ZNF107: variants seen among roughly 807,000 people sequenced by gnomAD.
ZNF107 encodes the protein zinc finger protein 107, also known as C2H2 type zinc-finger protein.
A neutral mutation model predicts 12.3 loss-of-function variants in ZNF107; 19 were observed. The observed-to-expected ratio is 1.55, with a 90% CI of 1.08 to 2.27. The LOEUF is 2.27. Among genes scored for constraint, ZNF107 ranks in the 30% most tolerant of loss-of-function variants. The probability of loss-of-function intolerance (pLI) is 0.00; values close to 1 mark genes in which losing one functional copy is unlikely to be tolerated. For synonymous variants in ZNF107, 317 were observed against 330.5 expected (o/e 0.96, Z 0.44); for missense variants, 958 against 979.9 (o/e 0.98, Z 0.30).
intron 3 of ZNF107, among the ~76,000 whole-genome samples, chr7:64,703,861 C>T (rs1476253483): frequency 6.6e-6 from 1 of 151,902 alleles, no homozygotes; most frequent in Non-Finnish European, 1.5e-5. Context: ...CCCTTATTTT[C>T]TGTCTTTCTT....
chr7:64,693,653 A>G (rs1383439814), intron 3 of ZNF107, among the ~76,000 whole-genome samples: 3 of 152,048 alleles, frequency 2.0e-5, no homozygotes, highest in African/African-American at 7.2e-5. Flanking sequence ...GTCCTTCAGG[A>G]TGTTGCTCTG....
At chr7:64,670,947 G>GT (rs1158162452) in intron 1 of ZNF107, among the ~76,000 whole-genome samples, 4 of 152,218 alleles carry the variant, frequency 2.6e-5, no homozygotes, top group African/African-American at 9.6e-5. Flanking sequence ...GGCATCTGCA[G>GT]TGAGGACAGT....
intron 3 of ZNF107, among the ~76,000 whole-genome samples, chr7:64,693,330 T>C (rs997879068): frequency 6.7e-6 from 1 of 150,176 alleles, no homozygotes; most frequent in African/African-American, 2.4e-5. Flanking sequence ...TTTTTTTTTT[T>C]CTTAACTAAT....
chr7:64,702,947 T>C (rs73363322), intron 3 of ZNF107, among the ~76,000 whole-genome samples: 7,161 of 152,308 alleles, frequency 0.047, 450 homozygotes, highest in African/African-American at 0.14. Flanking sequence ...AATTTTTTTA[T>C]TACATCAAAA....
intron 1 of ZNF107, among the ~76,000 whole-genome samples, chr7:64,678,125 C>A: frequency 6.6e-6 from 1 of 152,054 alleles, no homozygotes; most frequent in East Asian, 1.9e-4. Flanking sequence ...TTATCTGAGA[C>A]CTCAGGTTTA....
At chr7:64,666,805 A>G (rs1789022879) in intron 1 of ZNF107, among the ~76,000 whole-genome samples, 1 of 152,106 alleles carries the variant, frequency 6.6e-6, no homozygotes, top group African/African-American at 2.4e-5. Flanking sequence ...TTTGTAGTTT[A>G]TTTTCCATGG....
Position 64,701,035 on chromosome 7 carries a change from T to G in ZNF107, c.227-5289T>G, listed in dbSNP as rs186014737. On this transcript the variant is annotated intron_variant, in intron 3 of 3. Transcript: ENST00000620827. ...TTTGTCAGTATTTTCTTTATATATTTTGAAGCCCTATTGTTATATATACAT... is the reference window on the plus strand; with the variant it reads ...TTTGTCAGTATTTTCTTTATATATTGTGAAGCCCTATTGTTATATATACAT... 2.6e-5 allele frequency among the ~76,000 whole-genome samples: 4 copies of G among 152,340 alleles called. No individual in the cohort carries two copies. In the East Asian group the frequency reaches 7.7e-4, roughly 29 times the overall value.
chr7:64,709,296 A>G lies in ZNF107; in HGVS notation c.*640A>G, dbSNP rs915742058. On this transcript the variant is annotated 3_prime_UTR_variant, in exon 4 of 4. Coordinates refer to ENST00000620827, the MANE Select transcript of ZNF107 (RefSeq NM_001282359.2). ...ATTTATACTGGAAAGAAACCCTACA[A>G]ATGTAAAAAACGTGGCAATGCCTTT... 5.2e-5 allele frequency: 18 copies of G among 344,920 alleles called. No homozygotes were observed. The highest frequency in any genetic ancestry group is 9.7e-5 in the Non-Finnish European group (17 of 175,416). The allele number at this position is 344,920 out of a possible 1,614,324, so 21.4% of individuals were successfully genotyped here.
chr7:64,667,951 C>A (rs202026714), intron 1 of ZNF107, among the ~76,000 whole-genome samples: 330 of 138,590 alleles, frequency 2.4e-3, no homozygotes, highest in Non-Finnish European at 2.6e-3. Context: ...TTCCAGAAGA[C>A]AAAAAAAAAA....
At position 64,709,149 on chromosome 7, in the gene ZNF107, CT is replaced by C; in HGVS notation, c.*497del. On this transcript the variant is annotated 3_prime_UTR_variant, in exon 4 of 4. Coordinates refer to ENST00000620827, the MANE Select transcript of ZNF107 (RefSeq NM_001282359.2). ...TACAATTGTGAAGAATGTGGCAAAG[CT>C]TTTAACCTTCCTTAACCCTTAACTG... is the stretch of plus-strand genomic sequence containing the variant. 1 of 459,466 alleles carries C rather than the reference CT, an allele frequency of 2.2e-6. No individual in the cohort carries two copies. Among genetic ancestry groups the C allele is most frequent in the Non-Finnish European group, 4.4e-6 (1 of 227,780 alleles). The allele number at this position is 459,466 out of a possible 1,614,324, so 28.5% of individuals were successfully genotyped here.
At chr7:64,681,106 C>T (rs1473498195) in intron 1 of ZNF107, among the ~76,000 whole-genome samples, 2 of 152,188 alleles carry the variant, frequency 1.3e-5, no homozygotes, top group Non-Finnish European at 2.9e-5. Flanking sequence ...ACCCCACAGC[C>T]CCCTGGCTGA....
Position 64,691,394 on chromosome 7 carries a change from A to G in ZNF107, c.130+20A>G. 7.0e-7 allele frequency: 1 copy of G among 1,421,362 alleles called. No individual in the cohort carries two copies. The highest frequency in any genetic ancestry group is 9.2e-7 in the Non-Finnish European group (1 of 1,085,190). The allele number at this position is 1,421,362 out of a possible 1,614,324, so 88.0% of individuals were successfully genotyped here. Reference sequence around the variant, plus strand: ...TTTTGGGTGAGGATAACTTCAATACACAATTCCCAAAATACCCTTAAAGTT... The same window carrying G: ...TTTTGGGTGAGGATAACTTCAATACGCAATTCCCAAAATACCCTTAAAGTT... On this transcript the variant is annotated intron_variant, in intron 2 of 3. Transcript: ENST00000620827.
At chr7:64,685,611 G>A (rs1789876510) in intron 1 of ZNF107, among the ~76,000 whole-genome samples, 1 of 152,152 alleles carries the variant, frequency 6.6e-6, no homozygotes, top group African/African-American at 2.4e-5. Context: ...GAGCCACTCA[G>A]CTTATCCCAA....
chr7:64,709,462 G>A lies in ZNF107; in HGVS notation c.*806G>A. 2.9e-6 allele frequency: 1 copy of A among 345,364 alleles called. No homozygotes were observed. The highest frequency in any genetic ancestry group is 2.3e-5 in the South Asian group (1 of 44,250). 21.4% of individuals were successfully genotyped at this position (345,364 alleles called of 1,614,324 possible). ...ATAATACTGAAAACTTTACAAACCT[G>A]AATGATGTGACAATAATTTTGACAA... is the stretch of plus-strand genomic sequence containing the variant. On this transcript the variant is annotated 3_prime_UTR_variant, in exon 4 of 4. Transcript: ENST00000620827.
intron 1 of ZNF107, among the ~76,000 whole-genome samples, chr7:64,670,519 C>A (rs887021436): frequency 1.3e-5 from 2 of 152,040 alleles, no homozygotes; most frequent in African/African-American, 4.8e-5. Flanking sequence ...TTTCTTTTGA[C>A]CACTGAAGAA....
chr7:64,709,089 C>A lies in ZNF107; in HGVS notation c.*433C>A. 1 of 463,230 alleles carries A rather than the reference C, an allele frequency of 2.2e-6. No individual in the cohort carries two copies. The highest frequency in any genetic ancestry group is 1.7e-5 in the South Asian group (1 of 59,784). 28.7% of individuals were successfully genotyped at this position (463,230 alleles called of 1,614,324 possible). On this transcript the variant is annotated 3_prime_UTR_variant, in exon 4 of 4. Coordinates refer to ENST00000620827, the MANE Select transcript of ZNF107 (RefSeq NM_001282359.2). ...CAAAGCTTTTAACCAATCCTCATAC[C>A]TTACTATACAGAAATTCATACTGGA...
intron 1 of ZNF107, among the ~76,000 whole-genome samples, chr7:64,681,003 G>A (rs1789646093): frequency 6.6e-6 from 1 of 152,124 alleles, no homozygotes; most frequent in African/African-American, 2.4e-5. Flanking sequence ...TGCAGCCTGG[G>A]GTTCCTCCTA....
intron 3 of ZNF107, among the ~76,000 whole-genome samples, chr7:64,704,937 C>A (rs1021288978): frequency 1.3e-5 from 2 of 152,148 alleles, no homozygotes; most frequent in Non-Finnish European, 2.9e-5. Context: ...CCTTGGTCTC[C>A]CAATGTGCTG....
At chr7:64,693,394 T>C (rs570944700) in intron 3 of ZNF107, among the ~76,000 whole-genome samples, 1 of 150,466 alleles carries the variant, frequency 6.6e-6, no homozygotes, top group East Asian at 2.0e-4. Flanking sequence ...ATGGGCACAA[T>C]ATAGTTTTGC....
Sources: allele counts gnomAD v4.1 joint callset (sites outside exome capture counted in the v4.1 genomes callset), GRCh38; gene constraint gnomAD v4.1.1; transcripts MANE v1.5; gene names NCBI Gene and HGNC (gene_info 2026-07-23, HGNC 2026-07-21).